TNIP1: variants seen among roughly 807,000 people sequenced by gnomAD.
TNIP1 encodes the protein TNFAIP3 interacting protein 1.
TNIP1 carries 22 observed loss-of-function variants against 86.6 expected under a neutral mutation model. The ratio of observed to expected loss-of-function variants is 0.25; its 90% CI spans 0.18 to 0.36. TNIP1 has a LOEUF of 0.36. Ranked by LOEUF, TNIP1 falls within the 10% of genes least tolerant of loss-of-function variation. The pLI, the probability that TNIP1 is intolerant of heterozygous loss-of-function variation, is 1.00. For missense variants in TNIP1, 709 were observed against 820.6 expected, an observed-to-expected ratio of 0.86 and a Z score of 1.66; for synonymous variants, 294 against 313.0, an observed-to-expected ratio of 0.94 and a Z score of 0.64.
At chr5:151,042,442 CG>C (rs1036892459) in intron 11 of TNIP1, 97 bp downstream of exon 11, 21 of 1,514,364 alleles carry the variant, frequency 1.4e-5, no homozygotes, top group Middle Eastern at 1.7e-4. Flanking sequence ...ACTAGACCCC[CG>C]GGTCTCCTGA....
intron 13 of TNIP1, 57 bp downstream of exon 13, chr5:151,036,733 G>A: frequency 6.2e-7 from 1 of 1,612,126 alleles, no homozygotes; most frequent in Non-Finnish European, 8.5e-7. Flanking sequence ...TGGGCCCTCA[G>A]GAAAGCTCCA....
intron 5 of TNIP1, among the ~76,000 whole-genome samples, chr5:151,058,995 C>A (rs1383198924): frequency 6.6e-6 from 1 of 152,216 alleles, no homozygotes; most frequent in Non-Finnish European, 1.5e-5. Context: ...GCTGTTTCAA[C>A]TCTGCATCCA....
At chr5:151,060,928 G>C (rs781177831) in intron 4 of TNIP1, among the ~76,000 whole-genome samples, 1 of 152,112 alleles carries the variant, frequency 6.6e-6, no homozygotes, top group Non-Finnish European at 1.5e-5. Context: ...CAGCTGTTAC[G>C]GCCACCACCA....
intron 8 of TNIP1, among the ~76,000 whole-genome samples, chr5:151,048,264 T>C (rs747867186): frequency 6.6e-6 from 1 of 151,862 alleles, no homozygotes; most frequent in Non-Finnish European, 1.5e-5. Flanking sequence ...CCACGTGGAG[T>C]CAGCAGAGCT....
chr5:151,053,702 C>T (rs771519190), intron 6 of TNIP1, among the ~76,000 whole-genome samples: 11 of 152,206 alleles, frequency 7.2e-5, no homozygotes, highest in South Asian at 2.1e-4. Flanking sequence ...GTACATTGCT[C>T]GGTGTTTCTC....
chr5:151,039,894 C>T (rs1334703422), intron 11 of TNIP1, among the ~76,000 whole-genome samples: 1 of 152,212 alleles, frequency 6.6e-6, no homozygotes, highest in African/African-American at 2.4e-5. Flanking sequence ...GGAGGCGGTT[C>T]CATACCCTCT....
chr5:151,061,520 C>T (rs914513400), intron 4 of TNIP1, among the ~76,000 whole-genome samples: 2 of 151,910 alleles, frequency 1.3e-5, no homozygotes, highest in Non-Finnish European at 1.5e-5. Context: ...CTCTGTCACC[C>T]AGGCTGGAGT....
Position 151,030,255 on chromosome 5 carries a change from G to A in TNIP1, c.*458C>T, listed in dbSNP as rs180904763. ...ACTTCCCACAGCTCCTCACAGAGGGGTAGGGGTGTGCGTGGGGCAGGTCCT... is the reference window on the plus strand; with the variant it reads ...ACTTCCCACAGCTCCTCACAGAGGGATAGGGGTGTGCGTGGGGCAGGTCCT... On this transcript the variant is annotated 3_prime_UTR_variant, in exon 18 of 18. Coordinates refer to ENST00000521591, the MANE Select transcript of TNIP1 (RefSeq NM_006058.5). The A allele has an allele frequency of 1.8e-3, 737 of 419,754 alleles. 2 individuals carry two copies. Among genetic ancestry groups the A allele is most frequent in the Middle Eastern group, 3.6e-3 (8 of 2,226 alleles). 26.0% of individuals were successfully genotyped at this position (419,754 alleles called of 1,614,324 possible).
At chr5:151,039,045 T>G in intron 12 of TNIP1, 52 bp downstream of exon 12, 1 of 1,581,942 alleles carries the variant, frequency 6.3e-7, no homozygotes, top group Non-Finnish European at 8.6e-7. Context: ...GGGTGGGCAT[T>G]GCAGCTGGAC....
intron 12 of TNIP1, chr5:151,037,173 T>G (rs1241552586): frequency 2.9e-6 from 1 of 342,370 alleles, no homozygotes; most frequent in Non-Finnish European, 5.1e-6. Flanking sequence ...AAACTGAGGC[T>G]CAGAGACCTG....
At chr5:151,035,350 G>C (rs773433287) in intron 14 of TNIP1, among the ~76,000 whole-genome samples, 1 of 152,238 alleles carries the variant, frequency 6.6e-6, no homozygotes, top group Non-Finnish European at 1.5e-5. Flanking sequence ...GGAGAGTAAA[G>C]CCCAGAACTG....
Position 151,059,084 on chromosome 5 carries a change from G to A in TNIP1, c.435+1234C>T, listed in dbSNP as rs55978030. On this transcript the variant is annotated intron_variant, in intron 5 of 17. Transcript: ENST00000521591. ...TTAAGGCTCATGCGATGCTTCCCAT[G>A]CCTGCGACTTCTCCAGACTACAAGC... Among the ~76,000 whole-genome samples the A allele has an allele frequency of 5.6e-3, 857 of 152,356 alleles. 7 individuals carry two copies. Among genetic ancestry groups the A allele is most frequent in the African/African-American group, 0.02 (817 of 41,576 alleles).
intron 1 of TNIP1, among the ~76,000 whole-genome samples, 188 bp from the exon 2 acceptor site, chr5:151,065,319 G>A (rs1280805848): frequency 1.3e-5 from 2 of 152,194 alleles, no homozygotes; most frequent in African/African-American, 4.8e-5. Context: ...TACAACCTTA[G>A]AATGGCATTA....
At chr5:151,075,139 A>T (rs957531436) in intron 1 of TNIP1, among the ~76,000 whole-genome samples, 9 of 152,302 alleles carry the variant, frequency 5.9e-5, no homozygotes, top group African/African-American at 2.2e-4. Context: ...ACATTAAAAA[A>T]AAAACTTTAA....
intron 15 of TNIP1, 166 bp downstream of exon 15, chr5:151,034,836 G>A: frequency 2.9e-6 from 2 of 692,090 alleles, no homozygotes; most frequent in Non-Finnish European, 2.5e-6. Flanking sequence ...TACATTGTGG[G>A]CACTGCCTCT....
upstream of TNIP1, among the ~76,000 whole-genome samples, chr5:151,083,620 A>G (rs1341093084): frequency 6.6e-6 from 1 of 152,234 alleles, no homozygotes. Context: ...AGCCACACCC[A>G]GAAGGAGAAT....
chr5:151,042,415 T>C lies in TNIP1; in HGVS notation c.1134+125A>G, dbSNP rs529388647. The C allele has an allele frequency of 2.3e-4, 309 of 1,343,104 alleles. 3 individuals are homozygous for C. The South Asian group carries it at 4.0e-3, about 17-fold the overall frequency. The allele number at this position is 1,343,104 out of a possible 1,614,324, so 83.2% of individuals were successfully genotyped here. ...GGAAGGAACGTGCCTGTGTTTTTGG[T>C]CACCTAGCTCTTTCGCACTAGACCC... On this transcript the variant is annotated intron_variant, in intron 11 of 17. Coordinates refer to ENST00000521591, the MANE Select transcript of TNIP1 (RefSeq NM_006058.5).
chr5:151,052,856 C>T (rs1173481156), intron 6 of TNIP1, among the ~76,000 whole-genome samples: 1 of 152,154 alleles, frequency 6.6e-6, no homozygotes, highest in East Asian at 1.9e-4. Flanking sequence ...TCCCCAGCCC[C>T]CAGCTCAAAG....
At chr5:151,083,837 G>A (rs1764172416), upstream of TNIP1, among the ~76,000 whole-genome samples, 1 of 152,146 alleles carries the variant, frequency 6.6e-6, no homozygotes, top group Non-Finnish European at 1.5e-5. Context: ...GAAGAGGGGT[G>A]GAGGCTGCAT....
Sources: allele counts gnomAD v4.1 joint callset (sites outside exome capture counted in the v4.1 genomes callset), GRCh38; gene constraint gnomAD v4.1.1; transcripts MANE v1.5; gene names NCBI Gene and HGNC (gene_info 2026-07-23, HGNC 2026-07-21).